The following FIRRM variants were observed in gnomAD, a reference collection of about 807,000 sequenced individuals.
FIRRM encodes FIGNL1-interacting regulator of recombination and mitosis.
the FIRRM span, chr1:169,800,935 A>G: frequency 1.3e-6 from 2 of 1,599,488 alleles, no homozygotes; most frequent in Non-Finnish European, 1.7e-6. Flanking sequence ...ACCACCTGAC[A>G]TTGGAACAGA....
the FIRRM span, chr1:169,849,435 T>C: frequency 1.7e-6 from 2 of 1,201,306 alleles, no homozygotes; most frequent in Non-Finnish European, 2.4e-6. Flanking sequence ...ATTGAATGTA[T>C]GGCTATTTTA....
At chr1:169,801,848 T>C in the FIRRM span, among the ~76,000 whole-genome samples, 3 of 152,336 alleles carry the variant, frequency 2.0e-5, no homozygotes, top group Admixed American at 6.5e-5. Context: ...AATCGTAATC[T>C]TTCAAATTTC....
At chr1:169,847,377 AAAATACTGT>A in the FIRRM span, among the ~76,000 whole-genome samples, 4 of 151,868 alleles carry the variant, frequency 2.6e-5, no homozygotes, top group Non-Finnish European at 4.4e-5. Context: ...AAAGCACAAT[AAAATACTGT>A]TTGTACAAAA....
the FIRRM span, chr1:169,830,645 A>G: frequency 1.9e-6 from 3 of 1,547,476 alleles, no homozygotes; most frequent in Non-Finnish European, 1.8e-6. Context: ...TCATCTCCTT[A>G]TGTTTCTGAG....
the FIRRM span, among the ~76,000 whole-genome samples, chr1:169,836,217 G>T: frequency 1.3e-5 from 2 of 152,012 alleles, no homozygotes; most frequent in South Asian, 4.1e-4. Flanking sequence ...TGCAGCATTG[G>T]TTTTTACCAT....
At chr1:169,793,317 C>T in the FIRRM span, 2 of 1,614,002 alleles carry the variant, frequency 1.2e-6, no homozygotes, top group Non-Finnish European at 1.7e-6. Context: ...GATAACTTAA[C>T]ATGCTGGAAA....
the FIRRM span, chr1:169,852,534 C>G: frequency 2.1e-6 from 1 of 476,422 alleles, no homozygotes; most frequent in Non-Finnish European, 3.7e-6. Flanking sequence ...TCATTGGGAG[C>G]CCTTTGGGAC....
the FIRRM span, chr1:169,807,789 AG>A: frequency 6.4e-7 from 1 of 1,574,658 alleles, no homozygotes; most frequent in Admixed American, 2.0e-5. Flanking sequence ...TTATTCATTT[AG>A]GCAGAGCCTT....
the FIRRM span, among the ~76,000 whole-genome samples, chr1:169,800,351 T>G: frequency 6.6e-6 from 1 of 152,220 alleles, no homozygotes; most frequent in African/African-American, 2.4e-5. Flanking sequence ...GGCATAATTT[T>G]TTTTAAGTAA....
chr1:169,810,208 G>A, the FIRRM span, among the ~76,000 whole-genome samples: 1 of 152,144 alleles, frequency 6.6e-6, no homozygotes, highest in South Asian at 2.1e-4. Flanking sequence ...GGTGTTAGGT[G>A]TCTGGGAGGA....
the FIRRM span, among the ~76,000 whole-genome samples, chr1:169,800,105 C>T: frequency 6.6e-6 from 1 of 152,194 alleles, no homozygotes; most frequent in Non-Finnish European, 1.5e-5. Context: ...ACATAGCTAG[C>T]TCACTGCAGC....
chr1:169,802,458 G>C, the FIRRM span, among the ~76,000 whole-genome samples: 2 of 152,132 alleles, frequency 1.3e-5, no homozygotes, highest in Non-Finnish European at 2.9e-5. Context: ...CCTTTTCTCT[G>C]TATTTTGTGC....
the FIRRM span, chr1:169,854,007 T>G: frequency 1.1e-4 from 65 of 599,228 alleles, no homozygotes; most frequent in South Asian, 1.6e-4. Flanking sequence ...TCAGTGTGGA[T>G]GACACCAAAT....
At chr1:169,803,237 C>G in the FIRRM span, 1 of 1,613,984 alleles carries the variant, frequency 6.2e-7, no homozygotes, top group East Asian at 2.2e-5. Context: ...AGGAATCCAT[C>G]ATTTTGGAAA....
At chr1:169,838,114 T>C in the FIRRM span, among the ~76,000 whole-genome samples, 1 of 152,130 alleles carries the variant, frequency 6.6e-6, no homozygotes, top group African/African-American at 2.4e-5. Flanking sequence ...ATTTTTTGTA[T>C]TTTTAGTAGA....
At chr1:169,847,710 G>A in the FIRRM span, 37 of 1,613,084 alleles carry the variant, frequency 2.3e-5, no homozygotes, top group Non-Finnish European at 3.1e-5. Context: ...TGCAGACCTC[G>A]CTACTTAAAT....
chr1:169,797,668 C>G, the FIRRM span, among the ~76,000 whole-genome samples: 1 of 152,134 alleles, frequency 6.6e-6, no homozygotes, highest in African/African-American at 2.4e-5. Flanking sequence ...CCTCAGCCTC[C>G]CGAGTAGCTG....
the FIRRM span, among the ~76,000 whole-genome samples, chr1:169,792,305 A>T: frequency 1.3e-5 from 2 of 152,230 alleles, no homozygotes; most frequent in African/African-American, 4.8e-5. Flanking sequence ...TGTAACGTCA[A>T]AGGTGGTAAA....
At chr1:169,807,829 T>G in the FIRRM span, 2 of 1,604,744 alleles carry the variant, frequency 1.2e-6, no homozygotes, top group Admixed American at 1.7e-5. Context: ...AAAAGCCAGT[T>G]GAAACACAAA....
Sources: gnomAD v4.1 joint callset for allele counts (sites outside exome capture counted in the v4.1 genomes callset) on GRCh38, gnomAD v4.1.1 for gene constraint, MANE v1.5 for transcripts, NCBI Gene and HGNC (gene_info 2026-07-23, HGNC 2026-07-21) for gene names.